Variants in TENM4 observed in about 807,000 individuals in gnomAD.
TENM4 encodes teneurin-4.
Under a neutral mutation model 243.3 loss-of-function variants are expected in TENM4, and 82 were observed. The observed-to-expected ratio is 0.34, with a 90% confidence interval of 0.28 to 0.40. The LOEUF is 0.40. Ranked by LOEUF, TENM4 falls within the 10% of genes least tolerant of loss-of-function variation. The pLI is 1.00. For synonymous variants in TENM4, 1,412 were observed against 1,456.3 expected, an observed-to-expected ratio of 0.97 and a Z score of 0.69; for missense variants, 3,138 against 3,673.3, an observed-to-expected ratio of 0.85 and a Z score of 3.77.
intron 6 of TENM4, among the ~76,000 whole-genome samples, chr11:78,913,857 A>ATGCTTTCCC (rs1856254403): frequency 6.6e-6 from 1 of 152,128 alleles, no homozygotes; most frequent in African/African-American, 2.4e-5. Context: ...GAGCTAGTTA[A>ATGCTTTCCC]TGCTTTCCCT....
At chr11:79,073,952 A>G (rs1430227461) in intron 4 of TENM4, among the ~76,000 whole-genome samples, 1 of 151,914 alleles carries the variant, frequency 6.6e-6, no homozygotes, top group African/African-American at 2.4e-5. Context: ...AATAAGGCTG[A>G]GAAACGTTTT....
chr11:79,394,378 G>T (rs1393287740), intron 1 of TENM4, among the ~76,000 whole-genome samples: 1 of 152,162 alleles, frequency 6.6e-6, no homozygotes, highest in African/African-American at 2.4e-5. Flanking sequence ...TGAGTTGGAA[G>T]TCCCAGCTTC....
intron 3 of TENM4, among the ~76,000 whole-genome samples, chr11:79,152,183 A>T (rs573514030): frequency 1.3e-5 from 2 of 152,288 alleles, no homozygotes; most frequent in Admixed American, 6.5e-5. Context: ...TCCATGGTTC[A>T]CAAATATTAA....
chr11:78,943,702 C>T (rs977830401), intron 6 of TENM4, among the ~76,000 whole-genome samples: 1 of 152,012 alleles, frequency 6.6e-6, no homozygotes, highest in Non-Finnish European at 1.5e-5. Context: ...CTTTATAATC[C>T]AGGTGTGCTA....
chr11:79,098,235 C>T (rs1012372770), intron 4 of TENM4, among the ~76,000 whole-genome samples: 1 of 150,934 alleles, frequency 6.6e-6, no homozygotes, highest in Non-Finnish European at 1.5e-5. Flanking sequence ...CCCCCCATCT[C>T]CCAGCTCAGT....
chr11:79,224,180 G>C (rs1864216087), intron 2 of TENM4, among the ~76,000 whole-genome samples: 1 of 152,108 alleles, frequency 6.6e-6, no homozygotes, highest in African/African-American at 2.4e-5. Flanking sequence ...TGATTTAGAG[G>C]ATGATTTGTA....
intron 6 of TENM4, among the ~76,000 whole-genome samples, chr11:78,978,586 C>A (rs1310616458): frequency 6.6e-6 from 1 of 151,938 alleles, no homozygotes; most frequent in South Asian, 2.1e-4. Flanking sequence ...GCAACCACAC[C>A]AAACGGACTA....
chr11:78,727,763 A>T (rs376553324), intron 22 of TENM4, among the ~76,000 whole-genome samples: 6 of 152,214 alleles, frequency 3.9e-5, no homozygotes, highest in African/African-American at 1.2e-4. Flanking sequence ...CTGTAACTGG[A>T]CTATGGAAAG....
intron 1 of TENM4, among the ~76,000 whole-genome samples, chr11:79,399,506 G>A (rs187945621): frequency 6.6e-6 from 1 of 152,152 alleles, no homozygotes; most frequent in Non-Finnish European, 1.5e-5. Flanking sequence ...TTTGAGAGGA[G>A]ACCCTAAAAT....
chr11:78,822,781 G>A (rs139685004), intron 12 of TENM4, among the ~76,000 whole-genome samples: 289 of 152,134 alleles, frequency 1.9e-3, no homozygotes, highest in Middle Eastern at 3.4e-3. Context: ...AGGAACTAAG[G>A]GCTGATTTAC....
chr11:78,791,823 A>G (rs1486984745), intron 15 of TENM4, among the ~76,000 whole-genome samples: 1 of 152,240 alleles, frequency 6.6e-6, no homozygotes, highest in East Asian at 1.9e-4. Flanking sequence ...CGTTTGCAAC[A>G]TACCCAATAA....
intron 2 of TENM4, among the ~76,000 whole-genome samples, chr11:79,290,236 C>A (rs1856331388): frequency 6.6e-6 from 1 of 152,216 alleles, no homozygotes; most frequent in Non-Finnish European, 1.5e-5. Flanking sequence ...TTTTTAAAAT[C>A]ATTTTAGATC....
intron 3 of TENM4, among the ~76,000 whole-genome samples, chr11:79,184,731 A>G (rs986971401): frequency 3.3e-5 from 5 of 152,212 alleles, no homozygotes; most frequent in African/African-American, 1.2e-4. Flanking sequence ...GGCAGCAGGG[A>G]AAGTTATTGT....
intron 1 of TENM4, among the ~76,000 whole-genome samples, chr11:79,411,264 C>T (rs1460340468): frequency 1.3e-5 from 2 of 152,178 alleles, no homozygotes; most frequent in South Asian, 2.1e-4. Context: ...TGAGTATTGT[C>T]CTAAAAGCCT....
At chr11:79,005,359 G>A (rs747222940) in intron 6 of TENM4, among the ~76,000 whole-genome samples, 4 of 152,066 alleles carry the variant, frequency 2.6e-5, no homozygotes, top group East Asian at 1.9e-4. Context: ...CCTCAACAAC[G>A]TATTAGCAAG....
chr11:78,760,043 AT>A (rs1392405319), intron 18 of TENM4, among the ~76,000 whole-genome samples: 1 of 152,084 alleles, frequency 6.6e-6, no homozygotes, highest in Non-Finnish European at 1.5e-5. Flanking sequence ...TCTTTCCAAT[AT>A]TGTAATTTTG....
intron 6 of TENM4, among the ~76,000 whole-genome samples, chr11:78,973,696 A>G (rs1193168061): frequency 6.6e-6 from 1 of 151,998 alleles, no homozygotes; most frequent in African/African-American, 2.4e-5. Context: ...GCAAATAACT[A>G]TATAGAACAA....
intron 4 of TENM4, among the ~76,000 whole-genome samples, chr11:79,098,705 C>T (rs1467749870): frequency 2.6e-5 from 4 of 152,190 alleles, no homozygotes; most frequent in East Asian, 1.9e-4. Flanking sequence ...ACTGGGCAAG[C>T]GATGGGTCTT....
At chr11:79,201,616 A>G (rs1863739148) in intron 3 of TENM4, among the ~76,000 whole-genome samples, 1 of 152,164 alleles carries the variant, frequency 6.6e-6, no homozygotes, top group Non-Finnish European at 1.5e-5. Context: ...GCATGAATCA[A>G]CCAGAATTCC....
Sources: allele counts gnomAD v4.1 joint callset (sites outside exome capture counted in the v4.1 genomes callset), GRCh38; gene constraint gnomAD v4.1.1; transcripts MANE v1.5; gene names NCBI Gene and HGNC (gene_info 2026-07-23, HGNC 2026-07-21).